TSPEAR: variants seen among roughly 807,000 people sequenced by gnomAD.
The protein encoded by TSPEAR is thrombospondin type laminin G domain and EAR repeats, also known as thrombospondin-type laminin G domain and EAR repeat-containing protein.
A neutral mutation model predicts 71.6 loss-of-function variants in TSPEAR; 69 were observed. The observed-to-expected ratio is 0.96, with a 90% CI of 0.79 to 1.18. TSPEAR has a LOEUF of 1.18. TSPEAR is among the 50% of genes most tolerant of loss of function. The probability of loss-of-function intolerance (pLI) is 0.00; values close to 1 mark genes in which losing one functional copy is unlikely to be tolerated. For synonymous variants in TSPEAR, 402 were observed against 387.2 expected (o/e 1.04, Z -0.45); for missense variants, 971 against 894.9 (o/e 1.09, Z -1.09).
chr21:44,673,979 T>TTAG (rs1311388595), intron 1 of TSPEAR, among the ~76,000 whole-genome samples: 1 of 151,902 alleles, frequency 6.6e-6, no homozygotes, highest in Non-Finnish European at 1.5e-5. Context: ...AAGAGGGACG[T>TTAG]TAGTAGTAAT....
At position 44,593,812 on chromosome 21, in the gene TSPEAR, C is replaced by T. The variant is rs185372224; in HGVS notation, c.83-25807G>A. Among the ~76,000 whole-genome samples, 11 of 152,340 alleles carry T rather than the reference C, an allele frequency of 7.2e-5. No homozygotes were observed. The highest frequency in any genetic ancestry group is 5.8e-4 in the East Asian group (3 of 5,182). On this transcript the variant is annotated intron_variant, in intron 1 of 11. Coordinates refer to ENST00000323084, the MANE Select transcript of TSPEAR (RefSeq NM_144991.3). This position sits in a 1 kb window ranked among gnomAD's most constrained non-coding sequence, Gnocchi z 5.9. ...GCTGTTTTTCTACAGTGGCTAAACA[C>T]GCACTGGCCCCGCGATGAGGATGAG...
chr21:44,628,604 G>C (rs1401141244), intron 1 of TSPEAR, among the ~76,000 whole-genome samples: 1 of 151,988 alleles, frequency 6.6e-6, no homozygotes, highest in East Asian at 1.9e-4. Flanking sequence ...CACTGGCTGA[G>C]TCCCACAGAC....
chr21:44,642,329 GA>G lies in TSPEAR; in HGVS notation c.82+69103del, dbSNP rs1298501545. Among the ~76,000 whole-genome samples, 10 of 152,154 alleles carry G rather than the reference GA, an allele frequency of 6.6e-5. No homozygotes were observed. Among genetic ancestry groups the G allele is most frequent in the Non-Finnish European group, 1.3e-4 (9 of 68,044 alleles). ...ATACAAAGACTTTTCTGTGATACTT[GA>G]AATATTCCAGAGATCAGAAGAAGCC... On this transcript the variant is annotated intron_variant, in intron 1 of 11. Transcript: ENST00000323084. This position sits in a 1 kb window ranked among gnomAD's most constrained non-coding sequence, Gnocchi z 4.1.
chr21:44,652,992 T>C (rs1479930937), intron 1 of TSPEAR, among the ~76,000 whole-genome samples: 1 of 151,572 alleles, frequency 6.6e-6, no homozygotes, highest in South Asian at 2.1e-4. Context: ...CCGTCTCTAC[T>C]AAAAATACAA....
intron 2 of TSPEAR, chr21:44,558,271 T>A: frequency 1.2e-6 from 2 of 1,612,940 alleles, no homozygotes; most frequent in African/African-American, 1.3e-5. Context: ...CAGCAGGAGG[T>A]GGTGCAGCAA....
chr21:44,652,659 C>G (rs1365670793), intron 1 of TSPEAR, among the ~76,000 whole-genome samples: 1 of 152,098 alleles, frequency 6.6e-6, no homozygotes, highest in African/African-American at 2.4e-5. Context: ...AAGTATCTTT[C>G]TAGAAGTAAG....
At chr21:44,574,113 T>G in intron 1 of TSPEAR, 1 of 1,593,080 alleles carries the variant, frequency 6.3e-7, no homozygotes, top group South Asian at 1.1e-5. Flanking sequence ...CAAGACTGTC[T>G]GCTGCAAGCC....
intron 1 of TSPEAR, chr21:44,600,812 C>T (rs782217842): frequency 1.2e-6 from 2 of 1,602,020 alleles, no homozygotes; most frequent in South Asian, 1.1e-5. Flanking sequence ...AGCTATGTGT[C>T]CAGCCCCTGC....
intron 6 of TSPEAR, among the ~76,000 whole-genome samples, chr21:44,527,994 T>C (rs1168170728): frequency 2.0e-5 from 3 of 152,134 alleles, no homozygotes; most frequent in Non-Finnish European, 4.4e-5. Context: ...ATCTCTGATC[T>C]AGCAGACAGG....
chr21:44,542,319 T>C (rs587753973), intron 2 of TSPEAR, among the ~76,000 whole-genome samples: 2 of 152,224 alleles, frequency 1.3e-5, no homozygotes, highest in African/African-American at 4.8e-5. Context: ...TAAACATGCC[T>C]ATATTTTGTG....
rs777625349 is a variant in TSPEAR, at chr21:44,589,714, C to T, written c.83-21709G>A. ...GACAGGCTGGGTCCTGTCGGTGCCT[C>T]GGACGAGGGCAGGTGGGGACAATGA... On this transcript the variant is annotated intron_variant, in intron 1 of 11. Coordinates refer to ENST00000323084, the MANE Select transcript of TSPEAR (RefSeq NM_144991.3). Among the ~76,000 whole-genome samples, 105 of 152,140 alleles carry T rather than the reference C, an allele frequency of 6.9e-4. 1 individual carries two copies. The highest frequency in any genetic ancestry group is 1.2e-3 in the Non-Finnish European group (84 of 68,004).
intron 1 of TSPEAR, chr21:44,627,326 G>C: frequency 1.2e-6 from 2 of 1,613,062 alleles, no homozygotes; most frequent in Non-Finnish European, 1.7e-6. Context: ...CCAGTGAGCC[G>C]TGTATCCAGC....
intron 1 of TSPEAR, among the ~76,000 whole-genome samples, chr21:44,634,633 C>A (rs1702879761): frequency 6.6e-6 from 1 of 152,098 alleles, no homozygotes; most frequent in Admixed American, 6.5e-5. Context: ...TATAATTCAA[C>A]AACAAAAAGT....
At chr21:44,529,260 G>A (rs2052918526) in intron 5 of TSPEAR, among the ~76,000 whole-genome samples, 2 of 152,200 alleles carry the variant, frequency 1.3e-5, no homozygotes, top group Admixed American at 1.3e-4. Flanking sequence ...TCCATGGCAG[G>A]AGTGTGGTTT....
chr21:44,699,377 C>CA (rs55846070), intron 1 of TSPEAR, among the ~76,000 whole-genome samples: 20,092 of 64,932 alleles, frequency 0.31, 3,181 homozygotes, highest in South Asian at 0.45. Context: ...GACACTGTCT[C>CA]AAAAAAAAAA....
chr21:44,684,214 C>T (rs1555948589), intron 1 of TSPEAR, among the ~76,000 whole-genome samples: 1 of 152,226 alleles, frequency 6.6e-6, no homozygotes, highest in Non-Finnish European at 1.5e-5. Flanking sequence ...CGGAAGTCTA[C>T]ATCTATGAAG....
rs1390859502 is a variant in TSPEAR at position 44,679,928 on chromosome 21, AAG to A, written c.82+31503_82+31504del. ...CTTAAACATAAGACCGAAAACCATAAAGCTACTAGAAGAAAACATAAATGAAA... is the reference window on the plus strand; with the variant it reads ...CTTAAACATAAGACCGAAAACCATAACTACTAGAAGAAAACATAAATGAAA... On this transcript the variant is annotated intron_variant, in intron 1 of 11. Transcript: ENST00000323084. Among the ~76,000 whole-genome samples the A allele has an allele frequency of 2.6e-5, 4 of 152,342 alleles. No individual in the cohort carries two copies. The East Asian group carries it at 7.7e-4, about 29-fold the overall frequency.
intron 2 of TSPEAR, among the ~76,000 whole-genome samples, chr21:44,547,558 T>G (rs2053321358): frequency 1.3e-5 from 2 of 152,238 alleles, no homozygotes; most frequent in Admixed American, 6.5e-5. Context: ...ATTGTGGTTG[T>G]TTTTGCTTGT....
chr21:44,531,069 G>C lies in TSPEAR; in HGVS notation c.607C>G (p.Arg203Gly), dbSNP rs199858107. 1 of 1,613,666 alleles carries C rather than the reference G, an allele frequency of 6.2e-7. No homozygotes were observed. Among genetic ancestry groups the C allele is most frequent in the Non-Finnish European group, 8.5e-7 (1 of 1,179,992 alleles). The change falls in exon 4 of 12, where the codon CGG becomes GGG. Residue 203 changes from arginine to glycine, a missense_variant. By Grantham distance (125) the Arg-to-Gly change is moderately radical. Transcript: ENST00000323084. ...ATGAACAGGCCTTTGGCTCTCCTCC[G>C]GCTGCCGACGAAGAATCGAGCTCCT... The part of the protein sequence containing the change: ...VKGARFFVGS[R>G]RRAKGLFMGL...
Sources: allele counts gnomAD v4.1 joint callset (sites outside exome capture counted in the v4.1 genomes callset), GRCh38; gene constraint gnomAD v4.1.1; non-coding constraint Gnocchi (gnomAD v3.1); transcripts MANE v1.5; gene names NCBI Gene and HGNC (gene_info 2026-07-23, HGNC 2026-07-21).